FOXP2: variants seen among roughly 807,000 people sequenced by gnomAD.
FOXP2 encodes the protein forkhead box protein P2.
FOXP2 carries 12 observed loss-of-function variants against 115.8 expected under a neutral mutation model. The observed-to-expected ratio is 0.10, with a 90% CI of 0.07 to 0.17. FOXP2 has a LOEUF of 0.17. Among genes scored for constraint, FOXP2 ranks in the 10% least tolerant of loss-of-function variants. The probability of loss-of-function intolerance (pLI) is 1.00; values close to 1 mark genes in which losing one functional copy is unlikely to be tolerated. For missense variants in FOXP2, 629 were observed against 843.5 expected, an observed-to-expected ratio of 0.75 and a Z score of 3.15; for synonymous variants, 328 against 297.7, an observed-to-expected ratio of 1.10 and a Z score of -1.05.
At chr7:114,353,125 C>G (rs1342416128) in intron 2 of FOXP2, among the ~76,000 whole-genome samples, 1 of 152,150 alleles carries the variant, frequency 6.6e-6, no homozygotes, top group African/African-American at 2.4e-5. Flanking sequence ...CACAAAAAAA[C>G]TGCAAACTTT....
At chr7:114,684,605 T>C (rs1205285512) in intron 16 of FOXP2, among the ~76,000 whole-genome samples, 5 of 152,234 alleles carry the variant, frequency 3.3e-5, no homozygotes. Flanking sequence ...AAAAAGGTGC[T>C]ATTATATTAA....
intron 1 of FOXP2, among the ~76,000 whole-genome samples, chr7:114,286,889 A>C (rs1354457397): frequency 6.6e-6 from 1 of 152,042 alleles, no homozygotes; most frequent in African/African-American, 2.4e-5. Flanking sequence ...GCCCTGGACT[A>C]AGGTTTTATT....
intron 2 of FOXP2, among the ~76,000 whole-genome samples, chr7:114,322,002 G>A (rs185750706): frequency 2.0e-5 from 3 of 146,936 alleles, no homozygotes; most frequent in Non-Finnish European, 1.5e-5. Context: ...AATAAATGCC[G>A]TGAGAATTTC....
chr7:114,347,034 A>C (rs1791365013), intron 2 of FOXP2, among the ~76,000 whole-genome samples: 1 of 151,938 alleles, frequency 6.6e-6, no homozygotes, highest in Non-Finnish European at 1.5e-5. Context: ...AATTAAATAA[A>C]TAAGCTATAA....
chr7:114,454,929 T>G (rs1795237146), intron 2 of FOXP2, among the ~76,000 whole-genome samples: 3 of 135,388 alleles, frequency 2.2e-5, no homozygotes, highest in African/African-American at 2.9e-5. Flanking sequence ...AGATGACGAG[T>G]TAGTGGGTGC....
intron 2 of FOXP2, among the ~76,000 whole-genome samples, chr7:114,403,141 C>G (rs1231921708): frequency 1.3e-5 from 2 of 152,138 alleles, no homozygotes; most frequent in African/African-American, 4.8e-5. Flanking sequence ...CCTTCATAGT[C>G]TGTATATTAT....
At chr7:114,328,085 TA>T (rs1004047790) in intron 2 of FOXP2, among the ~76,000 whole-genome samples, 37 of 151,090 alleles carry the variant, frequency 2.4e-4, no homozygotes, top group African/African-American at 8.7e-4. Flanking sequence ...CATATTTGGC[TA>T]ATTTTTTTTT....
intron 1 of FOXP2, among the ~76,000 whole-genome samples, chr7:114,115,682 C>A (rs886640595): frequency 1.3e-4 from 20 of 152,114 alleles, no homozygotes; most frequent in African/African-American, 4.6e-4. Context: ...CTAACTAGAT[C>A]TATGCTATGG....
chr7:114,436,359 T>C (rs1396626778), intron 2 of FOXP2, among the ~76,000 whole-genome samples: 2 of 151,452 alleles, frequency 1.3e-5, no homozygotes, highest in African/African-American at 4.8e-5. Context: ...CCCTGCTAGA[T>C]TGGTGTCTAT....
chr7:114,271,960 TTAATTATATATAATA>T (rs1454124915), intron 1 of FOXP2, among the ~76,000 whole-genome samples: 15 of 133,128 alleles, frequency 1.1e-4, no homozygotes, highest in African/African-American at 2.2e-4. Context: ...TATTATTATA[TTAATTATATATAATA>T]TAATTATATA....
At chr7:114,287,698 A>G (rs1796501356) in intron 1 of FOXP2, among the ~76,000 whole-genome samples, 1 of 151,954 alleles carries the variant, frequency 6.6e-6, no homozygotes, top group Non-Finnish European at 1.5e-5. Context: ...GTAAATTATA[A>G]AAGTTAATCA....
intron 3 of FOXP2, among the ~76,000 whole-genome samples, chr7:114,606,802 A>G (rs912722558): frequency 6.6e-6 from 1 of 152,182 alleles, no homozygotes; most frequent in Non-Finnish European, 1.5e-5. Flanking sequence ...TAACAATCAA[A>G]TTAGAGGAAG....
At chr7:114,352,131 G>A (rs1210782915) in intron 2 of FOXP2, among the ~76,000 whole-genome samples, 1 of 151,988 alleles carries the variant, frequency 6.6e-6, no homozygotes, top group East Asian at 1.9e-4. Flanking sequence ...GCTGAGTGTG[G>A]TGGGGCACAC....
At position 114,236,421 on chromosome 7, in the gene FOXP2, A is replaced by G. The variant is rs192855282; in HGVS notation, c.-101-51598A>G. On this transcript the variant is annotated intron_variant, in intron 1 of 17. Transcript: ENST00000634411. Reference sequence around the variant, plus strand: ...AAAGCAGAAAGGTTATATTTCAGAAACACATGTAGTCTAATCTATGCTGGT... The same window carrying G: ...AAAGCAGAAAGGTTATATTTCAGAAGCACATGTAGTCTAATCTATGCTGGT... Among the ~76,000 whole-genome samples the G allele has an allele frequency of 1.9e-3, 285 of 152,326 alleles. 1 individual carries two copies. The highest frequency in any genetic ancestry group is 3.6e-3 in the Non-Finnish European group (246 of 68,026).
intron 3 of FOXP2, among the ~76,000 whole-genome samples, chr7:114,567,386 ACC>A (rs1801078330): frequency 6.6e-6 from 1 of 152,104 alleles, no homozygotes; most frequent in African/African-American, 2.4e-5. Context: ...TCAAGGTCAC[ACC>A]ACTATTAAGT....
chr7:114,263,041 AG>A (rs1188008508), intron 1 of FOXP2, among the ~76,000 whole-genome samples: 3 of 152,294 alleles, frequency 2.0e-5, no homozygotes, highest in East Asian at 3.9e-4. Flanking sequence ...ACAGTAAAGA[AG>A]GGTCTTTTCT....
At chr7:114,109,072 A>C (rs1419381260) in intron 1 of FOXP2, among the ~76,000 whole-genome samples, 1 of 151,998 alleles carries the variant, frequency 6.6e-6, no homozygotes, top group Non-Finnish European at 1.5e-5. Context: ...TCCTAATTGC[A>C]AACTGTGTTC....
chr7:114,445,255 A>G lies in FOXP2; in HGVS notation c.168+18576A>G, dbSNP rs1292438699. On this transcript the variant is annotated intron_variant, in intron 2 of 16. Coordinates refer to ENST00000350908, the MANE Select transcript of FOXP2 (RefSeq NM_014491.4). ...AAGGCAAGCCCTTGTCATTTCTTAG[A>G]ACTATTTGAAGAACTGAAGAAGCTT... 2.6e-5 allele frequency among the ~76,000 whole-genome samples: 4 copies of G among 152,114 alleles called. No homozygotes were observed. In the East Asian group the frequency reaches 5.8e-4, roughly 22 times the overall value.
At chr7:114,614,495 AT>A (rs568774533) in intron 3 of FOXP2, among the ~76,000 whole-genome samples, 2 of 151,864 alleles carry the variant, frequency 1.3e-5, no homozygotes, top group African/African-American at 2.4e-5. Flanking sequence ...TACTATGAAG[AT>A]TTTTTTTAAC....
Sources: gnomAD v4.1 joint callset for allele counts (sites outside exome capture counted in the v4.1 genomes callset) on GRCh38, gnomAD v4.1.1 for gene constraint, MANE v1.5 for transcripts, NCBI Gene and HGNC (gene_info 2026-07-23, HGNC 2026-07-21) for gene names.